Variants in EVC observed in about 807,000 individuals in gnomAD.
EVC encodes the protein evC complex member EVC.
Under a neutral mutation model 118.9 loss-of-function variants are expected in EVC, and 116 were observed. The observed-to-expected ratio is 0.98, with a 90% confidence interval of 0.84 to 1.14. EVC has a LOEUF of 1.14. Ranked by LOEUF, EVC falls within the 50% of genes most tolerant of loss-of-function variation. The probability of loss-of-function intolerance (pLI) is 0.00; values close to 1 mark genes in which losing one functional copy is unlikely to be tolerated. For missense variants in EVC, 1,401 were observed against 1,246.4 expected (o/e 1.12, Z -1.87); for synonymous variants, 619 against 534.7 (o/e 1.16, Z -2.18).
In EVC at chr4:5,746,502, T is replaced by C. The variant is rs1729375463; in HGVS notation, c.939+1161T>C. Among the ~76,000 whole-genome samples, 2 of 152,006 alleles carry C rather than the reference T, an allele frequency of 1.3e-5. No individual in the cohort carries two copies. Among genetic ancestry groups the C allele is most frequent in the Admixed American group, 1.3e-4 (2 of 15,262 alleles). On this transcript the variant is annotated intron_variant, in intron 7 of 20. Coordinates refer to ENST00000264956, the MANE Select transcript of EVC (RefSeq NM_153717.3). The surrounding 1 kb of genome is among the most constrained non-coding windows in gnomAD (Gnocchi z 5.8). ...TCCTGTCCTCTGAATAGGTCCAATA[T>C]TGAGAGGAGAGGCTTGGAGATGGAG...
chr4:5,766,008 T>C (rs2152149038), intron 11 of EVC, among the ~76,000 whole-genome samples: 1 of 134,384 alleles, frequency 7.4e-6, no homozygotes, highest in East Asian at 2.3e-4. Flanking sequence ...TCGATGGTCT[T>C]TACATTTTGG....
At chr4:5,761,827 G>A (rs140367924) in intron 11 of EVC, among the ~76,000 whole-genome samples, 7 of 152,002 alleles carry the variant, frequency 4.6e-5, no homozygotes, top group Non-Finnish European at 1.0e-4. Flanking sequence ...ACGGCACCGG[G>A]AATTCAGCTT....
At chr4:5,759,879 C>T (rs1006368156) in intron 11 of EVC, among the ~76,000 whole-genome samples, 3 of 152,142 alleles carry the variant, frequency 2.0e-5, no homozygotes, top group East Asian at 3.9e-4. Context: ...CCGGACACAG[C>T]GTGGTTTTAT....
intron 16 of EVC, 59 bp downstream of exon 16, chr4:5,802,153 T>TG: frequency 6.3e-7 from 1 of 1,598,166 alleles, no homozygotes; most frequent in Non-Finnish European, 8.6e-7. Context: ...GCTTTTAGTT[T>TG]GGGGCAGAAT....
rs79124063 is a variant in EVC at position 5,742,410 on chromosome 4, C to T, written c.801+596C>T. ...CTGTCATCCTCATTATCACAACCAC[C>T]ACCAAAATCATCATCATCTTCATTA... On this transcript the variant is annotated intron_variant, in intron 6 of 20. Transcript: ENST00000264956. This position sits in a 1 kb window ranked among gnomAD's most constrained non-coding sequence, Gnocchi z 5.2. Among the ~76,000 whole-genome samples the T allele has an allele frequency of 0.015, 2,244 of 152,252 alleles. 65 individuals are homozygous for T. Among genetic ancestry groups the T allele is most frequent in the African/African-American group, 0.05 (2,087 of 41,534 alleles).
At chr4:5,827,302 C>G in the EVC span, among the ~76,000 whole-genome samples, 1 of 152,194 alleles carries the variant, frequency 6.6e-6, no homozygotes, top group Non-Finnish European at 1.5e-5. Context: ...GTCCCCTTGT[C>G]CTCATATGGC....
Position 5,731,473 on chromosome 4 carries a change from C to G in EVC, c.433C>G (p.Gln145Glu). 1 of 1,613,484 alleles carries G rather than the reference C, an allele frequency of 6.2e-7. No homozygotes were observed. Among genetic ancestry groups the G allele is most frequent in the Non-Finnish European group, 8.5e-7 (1 of 1,179,918 alleles). The change falls in exon 4 of 21, where the codon CAG (glutamine) becomes GAG (glutamate). Residue 145 changes from glutamine (Q) to glutamate (E), a missense_variant. Gln to Glu is a conservative substitution (Grantham distance 29). Transcript: ENST00000264956. The surrounding 1 kb of genome is among the most constrained non-coding windows in gnomAD (Gnocchi z 5.6). ...SNPSLHENLK[Q>E]AVLPHQPVEA... is the part of the protein sequence containing the mutation. ...CCCGTCTCTGCATGAAAACTTAAAG[C>G]AGGCTGTTTTGCCACACCAGCCGGT...
At chr4:5,794,291 T>TTATATGTTTA (rs1713400629) in intron 13 of EVC, among the ~76,000 whole-genome samples, 2 of 106,530 alleles carry the variant, frequency 1.9e-5, no homozygotes, top group African/African-American at 3.7e-5. Context: ...ATATATATTT[T>TTATATGTTTA]TATATATTTA....
intron 13 of EVC, 42 bp downstream of exon 13, chr4:5,793,759 A>G: frequency 6.9e-7 from 1 of 1,448,320 alleles, no homozygotes; most frequent in Non-Finnish European, 9.5e-7. Context: ...TGTGTCCTGC[A>G]TGATGCTCCC....
chr4:5,731,568 C>G lies in EVC; in HGVS notation c.528C>G (p.Ser176=). 6.2e-7 allele frequency: 1 copy of G among 1,614,136 alleles called. No individual in the cohort carries two copies. Among genetic ancestry groups the G allele is most frequent in the South Asian group, 1.1e-5 (1 of 91,074 alleles). The change falls in exon 4 of 21, where the codon TCC becomes TCG. Residue 176 remains serine, a synonymous_variant. Transcript: ENST00000264956. The surrounding 1 kb of genome is among the most constrained non-coding windows in gnomAD (Gnocchi z 5.6). ...QGEKDDCSSS[S]SVHSATSDDR... Reference sequence around the variant, plus strand: ...AGAAGGACGACTGCAGCTCCTCATCCAGCGTCCACTCGGCCACCAGCGATG... The same window carrying G: ...AGAAGGACGACTGCAGCTCCTCATCGAGCGTCCACTCGGCCACCAGCGATG...
chr4:5,775,815 T>C (rs1734636943), intron 11 of EVC, among the ~76,000 whole-genome samples: 1 of 152,214 alleles, frequency 6.6e-6, no homozygotes, highest in Non-Finnish European at 1.5e-5. Flanking sequence ...AAAGAATATG[T>C]GTAGCTTCAA....
intron 11 of EVC, among the ~76,000 whole-genome samples, chr4:5,774,101 C>T (rs1429897172): frequency 1.3e-5 from 2 of 151,846 alleles, no homozygotes; most frequent in Non-Finnish European, 1.5e-5. Flanking sequence ...TTGGGTCCTT[C>T]GTATGGTGTT....
Position 5,719,221 on chromosome 4 carries a change from C to T in EVC, c.175-27C>T, listed in dbSNP as rs1235938090. ...ACCTCAATGTTGTGTTTCTATCCACCCCCAACTCCTGACCTTCGGGTTTTA... is the reference window on the plus strand; with the variant it reads ...ACCTCAATGTTGTGTTTCTATCCACTCCCAACTCCTGACCTTCGGGTTTTA... On this transcript the variant is annotated intron_variant, in intron 1 of 20. Coordinates refer to ENST00000264956, the MANE Select transcript of EVC (RefSeq NM_153717.3). This position sits in a 1 kb window ranked among gnomAD's most constrained non-coding sequence, Gnocchi z 4.7. The T allele has an allele frequency of 6.2e-7, 1 of 1,613,900 alleles. No individual in the cohort carries two copies. The highest frequency in any genetic ancestry group is 8.5e-7 in the Non-Finnish European group (1 of 1,179,950).
At chr4:5,711,633 G>A (rs898176593) in intron 1 of EVC, 79 bp downstream of exon 1, 3 of 1,065,132 alleles carry the variant, frequency 2.8e-6, no homozygotes, top group Non-Finnish European at 2.3e-6. Flanking sequence ...CCGGAGCCCC[G>A]GCTCTGCGAC....
At chr4:5,821,920 C>T in the EVC span, 14 of 1,236,930 alleles carry the variant, frequency 1.1e-5, 1 homozygote, top group Non-Finnish European at 1.5e-5. This position sits in a 1 kb window ranked among gnomAD's most constrained non-coding sequence, Gnocchi z 4.4. Context: ...TCCTGGAGGC[C>T]ATGTACTCTG....
rs1160569962 is a variant in EVC, at chr4:5,811,882, T to C, written c.*845T>C. ...CCTCACACCACAGCCAAGAGAAGCC[T>C]TTCCAGCCTGGAGAGAAACTTCCAG... On this transcript the variant is annotated 3_prime_UTR_variant, in exon 21 of 21. Coordinates refer to ENST00000264956, the MANE Select transcript of EVC (RefSeq NM_153717.3). 1.3e-5 allele frequency: 2 copies of C among 151,084 alleles called. No homozygotes were observed. Among genetic ancestry groups the C allele is most frequent in the South Asian group, 4.0e-4 (2 of 4,986 alleles). The allele number at this position is 151,084 out of a possible 1,614,324, so 9.4% of individuals were successfully genotyped here. A position where few individuals can be genotyped will look rare whatever the true frequency, so the allele number is the denominator to read the frequency against.
chr4:5,712,305 C>T (rs1288900771), intron 1 of EVC, among the ~76,000 whole-genome samples: 1 of 152,190 alleles, frequency 6.6e-6, no homozygotes, highest in East Asian at 1.9e-4. Flanking sequence ...GAAACTGAGG[C>T]ACAGAGAGGT....
intron 2 of EVC, among the ~76,000 whole-genome samples, chr4:5,720,498 C>T (rs536832403): frequency 6.6e-6 from 1 of 151,582 alleles, no homozygotes; most frequent in South Asian, 2.1e-4. Context: ...CCTTTCCAAC[C>T]TGTTCCATCC....
Position 5,797,110 on chromosome 4 carries a change from C to G in EVC, c.1975C>G (p.Leu659Val). 6.2e-7 allele frequency: 1 copy of G among 1,613,600 alleles called. No individual in the cohort carries two copies. Among genetic ancestry groups the G allele is most frequent in the Non-Finnish European group, 8.5e-7 (1 of 1,180,018 alleles). ...ACTCCGCGGCAACGCCCTGGCCACC[C>G]TGACGCAGATGCGGCTATCGGGGAA... ...LALRGNALAT[L>V]TQMRLSGKKH... is the part of the protein sequence containing the mutation. Residue 659 changes from leucine to valine, a missense_variant, in exon 14 of 21, where the codon CTG becomes GTG. Physicochemically the swap from Leu to Val is conservative, Grantham distance 32. Transcript: ENST00000264956.
Sources: gnomAD v4.1 joint callset for allele counts (sites outside exome capture counted in the v4.1 genomes callset) on GRCh38, gnomAD v4.1.1 for gene constraint, Gnocchi (gnomAD v3.1) non-coding constraint, MANE v1.5 for transcripts, NCBI Gene and HGNC (gene_info 2026-07-23, HGNC 2026-07-21) for gene names.